Variants in KLF12 observed in about 807,000 individuals in gnomAD.
The protein encoded by KLF12 is Krueppel-like factor 12.
A neutral mutation model predicts 37.8 loss-of-function variants in KLF12; 9 were observed. That is an observed-to-expected ratio of 0.24 (90% CI 0.14 to 0.42). The LOEUF (loss-of-function observed/expected upper bound fraction) is 0.42. KLF12 is among the 10% of genes least tolerant of loss of function. The pLI is 1.00. For missense variants in KLF12, 411 were observed against 516.0 expected, an observed-to-expected ratio of 0.80 and a Z score of 1.97; for synonymous variants, 208 against 202.1, an observed-to-expected ratio of 1.03 and a Z score of -0.25.
At chr13:73,867,802 T>C (rs939561305) in intron 3 of KLF12, among the ~76,000 whole-genome samples, 7 of 152,164 alleles carry the variant, frequency 4.6e-5, no homozygotes, top group African/African-American at 9.6e-5. Context: ...AATTTCACCA[T>C]GTTGGTCAGG....
intron 1 of KLF12, among the ~76,000 whole-genome samples, chr13:74,073,903 C>T (rs149474181): frequency 1.8e-3 from 274 of 152,302 alleles, no homozygotes; most frequent in African/African-American, 6.3e-3. Flanking sequence ...ATAGTAACAG[C>T]AAAGACTCAA....
At chr13:73,802,393 T>C (rs1304480765) in intron 5 of KLF12, among the ~76,000 whole-genome samples, 1 of 152,190 alleles carries the variant, frequency 6.6e-6, no homozygotes, top group Non-Finnish European at 1.5e-5. Context: ...ATTTATTTAA[T>C]ACATTACTGA....
the KLF12 span, among the ~76,000 whole-genome samples, chr13:74,275,778 T>TTTTCTTTCTTTCTTTCTTTC: frequency 7.5e-5 from 7 of 93,886 alleles, no homozygotes; most frequent in African/African-American, 3.1e-4. Context: ...ATGCCTGTCT[T>TTTTCTTTCTTTCTTTCTTTC]TTTCTTTCTT....
intron 3 of KLF12, among the ~76,000 whole-genome samples, chr13:73,878,015 T>C (rs1427233005): frequency 6.6e-6 from 1 of 152,176 alleles, no homozygotes; most frequent in Non-Finnish European, 1.5e-5. Flanking sequence ...ATATAGTTAA[T>C]ACATCCTTAT....
chr13:74,018,646 T>C (rs933387955), intron 1 of KLF12, among the ~76,000 whole-genome samples: 1 of 152,248 alleles, frequency 6.6e-6, no homozygotes, highest in Non-Finnish European at 1.5e-5. Flanking sequence ...AATGGAATTT[T>C]ACCAATTTAA....
Position 74,002,844 on chromosome 13 carries a change from T to C in KLF12, c.-31-7791A>G, listed in dbSNP as rs187744664. Among the ~76,000 whole-genome samples the C allele has an allele frequency of 3.0e-3, 464 of 152,328 alleles. 1 individual carries two copies. Among genetic ancestry groups the C allele is most frequent in the Non-Finnish European group, 5.3e-3 (361 of 68,030 alleles). ...TTCTGTTATCAATTCACACATGAAC[T>C]GCCTATATGCAAAGAACTGAGAACA... On this transcript the variant is annotated intron_variant, in intron 1 of 7. Coordinates refer to ENST00000377669, the MANE Select transcript of KLF12 (RefSeq NM_007249.5).
chr13:73,687,642 A>G lies in KLF12; in HGVS notation c.*7848T>C, dbSNP rs1873574157. The G allele has an allele frequency of 6.6e-6, 1 of 152,148 alleles. No homozygotes were observed. Among genetic ancestry groups the G allele is most frequent in the African/African-American group, 2.4e-5 (1 of 41,428 alleles). The allele number at this position is 152,148 out of a possible 1,614,324, so 9.4% of individuals were successfully genotyped here. ...TGTTGGTATGTCCCTAAAATATCTT[A>G]CTTTTTGATTGCTTGGACACTTTTA... On this transcript the variant is annotated 3_prime_UTR_variant, in exon 8 of 8. Transcript: ENST00000377669.
chr13:73,761,825 AG>A (rs565053852), intron 6 of KLF12, among the ~76,000 whole-genome samples: 24 of 152,300 alleles, frequency 1.6e-4, no homozygotes, highest in African/African-American at 5.8e-4. Flanking sequence ...CACTGGAGAA[AG>A]GAAGGCATGC....
chr13:73,714,023 C>T (rs1875605953), intron 7 of KLF12, among the ~76,000 whole-genome samples: 1 of 152,166 alleles, frequency 6.6e-6, no homozygotes, highest in African/African-American at 2.4e-5. Flanking sequence ...TACTCAATTT[C>T]CATGTCTTCA....
intron 1 of KLF12, among the ~76,000 whole-genome samples, chr13:74,001,136 T>C (rs1020232863): frequency 3.3e-5 from 5 of 152,202 alleles, no homozygotes; most frequent in Non-Finnish European, 5.9e-5. Context: ...CACATTTGCA[T>C]TGCCAGATGA....
chr13:73,913,414 T>A (rs1029456806), intron 3 of KLF12, among the ~76,000 whole-genome samples: 3 of 152,224 alleles, frequency 2.0e-5, no homozygotes, highest in African/African-American at 7.2e-5. Context: ...TGCCATAATT[T>A]TAACCATCAA....
intron 6 of KLF12, among the ~76,000 whole-genome samples, chr13:73,746,718 T>G (rs1878393701): frequency 6.6e-6 from 1 of 152,094 alleles, no homozygotes; most frequent in South Asian, 2.1e-4. Context: ...ATTTTGTGTA[T>G]CTTTCTAAAA....
At position 73,888,483 on chromosome 13, in the gene KLF12, T is replaced by C. The variant is rs546570372; in HGVS notation, c.124-42110A>G. ...AGAGCACTAAAGACAACTTGTAGCA[T>C]GTATAATTCTGCCATTCATTGTTTC... On this transcript the variant is annotated intron_variant, in intron 3 of 7. Transcript: ENST00000377669. Among the ~76,000 whole-genome samples, 4 of 152,326 alleles carry C rather than the reference T, an allele frequency of 2.6e-5. No homozygotes were observed. The East Asian group carries it at 7.7e-4, about 29-fold the overall frequency.
intron 3 of KLF12, among the ~76,000 whole-genome samples, chr13:73,905,913 T>C (rs143903494): frequency 0.019 from 2,847 of 152,286 alleles, 92 homozygotes; most frequent in Admixed American, 0.088. Context: ...TTCCCAACTC[T>C]TCTCCATGCC....
chr13:73,936,470 G>A (rs1207532199), intron 3 of KLF12, among the ~76,000 whole-genome samples: 5 of 152,164 alleles, frequency 3.3e-5, no homozygotes, highest in Non-Finnish European at 5.9e-5. Context: ...CTGTATGGCC[G>A]ACCTTTCCTT....
intron 1 of KLF12, among the ~76,000 whole-genome samples, chr13:74,129,180 A>T (rs1418607631): frequency 6.6e-6 from 1 of 152,210 alleles, no homozygotes; most frequent in East Asian, 1.9e-4. Context: ...ATCCTCCTAC[A>T]TACTTTAAAT....
At chr13:73,900,134 C>T (rs376084215) in intron 3 of KLF12, among the ~76,000 whole-genome samples, 357 of 152,170 alleles carry the variant, frequency 2.3e-3, no homozygotes, top group African/African-American at 7.9e-3. Flanking sequence ...AATCACTTCA[C>T]GTTTATATTA....
intron 1 of KLF12, among the ~76,000 whole-genome samples, chr13:74,102,239 A>G (rs899591663): frequency 4.7e-5 from 7 of 150,482 alleles, no homozygotes; most frequent in Non-Finnish European, 7.4e-5. Flanking sequence ...AAAAAAAAAA[A>G]GAATATGCCT....
chr13:73,864,045 C>T (rs1886057167), intron 3 of KLF12, among the ~76,000 whole-genome samples: 1 of 152,074 alleles, frequency 6.6e-6, no homozygotes, highest in Non-Finnish European at 1.5e-5. Flanking sequence ...AACCTTGATT[C>T]TACAGTTTTC....
Sources: gnomAD v4.1 joint callset for allele counts (sites outside exome capture counted in the v4.1 genomes callset) on GRCh38, gnomAD v4.1.1 for gene constraint, MANE v1.5 for transcripts, NCBI Gene and HGNC (gene_info 2026-07-23, HGNC 2026-07-21) for gene names.